Variants in STXBP5L observed in about 807,000 individuals in gnomAD.
STXBP5L encodes the protein syntaxin binding protein 5L.
A neutral mutation model predicts 144.5 loss-of-function variants in STXBP5L; 65 were observed. The observed-to-expected ratio is 0.45, with a 90% CI of 0.37 to 0.55. The LOEUF is 0.55. Ranked by LOEUF, STXBP5L falls within the 20% of genes least tolerant of loss-of-function variation. The probability of loss-of-function intolerance (pLI) is 0.00; values close to 1 mark genes in which losing one functional copy is unlikely to be tolerated. For missense variants in STXBP5L, 1,298 were observed against 1,405.5 expected, an observed-to-expected ratio of 0.92 and a Z score of 1.22; for synonymous variants, 505 against 469.6, an observed-to-expected ratio of 1.08 and a Z score of -0.97.
intron 7 of STXBP5L, among the ~76,000 whole-genome samples, chr3:121,138,364 T>C (rs1262298011): frequency 6.6e-6 from 1 of 152,068 alleles, no homozygotes; most frequent in Non-Finnish European, 1.5e-5. Flanking sequence ...ATACAGTTTC[T>C]ATCAAAATAC....
chr3:121,353,118 G>T (rs976021086), intron 20 of STXBP5L, among the ~76,000 whole-genome samples: 22 of 152,030 alleles, frequency 1.4e-4, no homozygotes, highest in Non-Finnish European at 2.5e-4. Context: ...ATCCATGTTC[G>T]TCAGGGATAT....
intron 3 of STXBP5L, among the ~76,000 whole-genome samples, chr3:121,018,853 A>T (rs1302568242): frequency 1.3e-5 from 2 of 152,198 alleles, no homozygotes; most frequent in African/African-American, 4.8e-5. Flanking sequence ...GAACATACCA[A>T]CAAAGACAAG....
Position 121,413,274 on chromosome 3 carries a change from C to G in STXBP5L, c.3065C>G (p.Thr1022Ser). 6.2e-7 allele frequency: 1 copy of G among 1,601,872 alleles called. No individual in the cohort carries two copies. The highest frequency in any genetic ancestry group is 8.5e-7 in the Non-Finnish European group (1 of 1,175,568). ...EGQALYLVSP[T>S]EIQRLTYSQE... ...CAGGCATTATACCTCGTCTCTCCTA[C>G]TGAAATTCAGCGGTTAACATACAGC... is the stretch of plus-strand genomic sequence containing the variant. Residue 1022 changes from threonine to serine, a missense_variant, in exon 24 of 27, where the codon ACT (threonine) becomes AGT (serine). Coordinates refer to ENST00000471454, the MANE Select transcript of STXBP5L (RefSeq NM_001308330.2).
chr3:121,246,618 TTAGAG>T (rs1439432548), intron 14 of STXBP5L, among the ~76,000 whole-genome samples: 2 of 152,246 alleles, frequency 1.3e-5, no homozygotes, highest in South Asian at 4.1e-4. Context: ...AAGTTTATAA[TTAGAG>T]TAAACATACA....
chr3:120,928,648 G>A (rs1709765687), intron 2 of STXBP5L, among the ~76,000 whole-genome samples: 1 of 121,744 alleles, frequency 8.2e-6, no homozygotes. Context: ...GAGTGTGTGT[G>A]TGTGTGTGTG....
Position 121,020,414 on chromosome 3 carries a change from A to G in STXBP5L, c.288-21286A>G, listed in dbSNP as rs140670177. Among the ~76,000 whole-genome samples, 811 of 152,282 alleles carry G rather than the reference A, an allele frequency of 5.3e-3. 10 individuals carry two copies. Among genetic ancestry groups the G allele is most frequent in the African/African-American group, 0.018 (759 of 41,542 alleles). ...TCCAAATACGAGAAGCTCAAAGAAC[A>G]CCTGGGAAATTTATTGCAAAAAGAT... On this transcript the variant is annotated intron_variant, in intron 3 of 26. Transcript: ENST00000471454.
At chr3:120,975,826 G>A (rs1314045670) in intron 3 of STXBP5L, among the ~76,000 whole-genome samples, 2 of 152,086 alleles carry the variant, frequency 1.3e-5, no homozygotes, top group East Asian at 1.9e-4. Flanking sequence ...CTTTGGTTCT[G>A]TTTATATGCT....
At chr3:121,313,275 T>A (rs1434595602) in intron 19 of STXBP5L, among the ~76,000 whole-genome samples, 1 of 131,604 alleles carries the variant, frequency 7.6e-6, no homozygotes, top group Non-Finnish European at 1.6e-5. Context: ...GGCTCCTCAC[T>A]TCCCAGTAGG....
At chr3:121,299,975 C>CAAAAAAAAAAAAAAAAA (rs35062789) in intron 19 of STXBP5L, among the ~76,000 whole-genome samples, 1 of 115,738 alleles carries the variant, frequency 8.6e-6, no homozygotes, top group Non-Finnish European at 1.8e-5. Context: ...GACCTGATCT[C>CAAAAAAAAAAAAAAAAA]AAAAAAAAAA....
chr3:121,233,986 T>A (rs767224685), intron 12 of STXBP5L, among the ~76,000 whole-genome samples: 1 of 152,132 alleles, frequency 6.6e-6, no homozygotes, highest in African/African-American at 2.4e-5. Context: ...TTATGAAAAC[T>A]TGTACAATGT....
At chr3:121,393,186 T>A (rs1202087929) in intron 22 of STXBP5L, among the ~76,000 whole-genome samples, 1 of 129,934 alleles carries the variant, frequency 7.7e-6, no homozygotes, top group Non-Finnish European at 1.7e-5. Flanking sequence ...CTAATGATGT[T>A]GAACATTTTT....
chr3:121,298,896 G>A (rs2051770610), intron 19 of STXBP5L, among the ~76,000 whole-genome samples: 1 of 152,134 alleles, frequency 6.6e-6, no homozygotes, highest in Non-Finnish European at 1.5e-5. Context: ...TTGTTTAGAA[G>A]GTAGATTTCA....
intron 9 of STXBP5L, among the ~76,000 whole-genome samples, chr3:121,179,725 A>G (rs2047067641): frequency 6.6e-6 from 1 of 152,164 alleles, no homozygotes; most frequent in African/African-American, 2.4e-5. Context: ...AGATAAATAG[A>G]TATCATAAAG....
chr3:121,407,242 G>C lies in STXBP5L; in HGVS notation c.2588-1G>C. ...TCAGTGATGTCCAATTGTTTTTATA[G>C]GTACATTCCTCTCATTGAAAGGAGC... is the stretch of plus-strand genomic sequence containing the variant. On this transcript the variant is annotated splice_acceptor_variant, in intron 22 of 26. Coordinates refer to ENST00000471454, the MANE Select transcript of STXBP5L (RefSeq NM_001308330.2). LOFTEE classifies it high-confidence loss of function. 6.5e-7 allele frequency: 1 copy of C among 1,544,410 alleles called. No homozygotes were observed. The highest frequency in any genetic ancestry group is 8.7e-7 in the Non-Finnish European group (1 of 1,149,326).
At chr3:120,984,149 G>A (rs1370398062) in intron 3 of STXBP5L, among the ~76,000 whole-genome samples, 1 of 152,166 alleles carries the variant, frequency 6.6e-6, no homozygotes, top group Non-Finnish European at 1.5e-5. Flanking sequence ...GACTCATGAA[G>A]AGGTTAAAGA....
In STXBP5L at chr3:121,257,206, C is replaced by T; in HGVS notation, c.1705C>T (p.Pro569Ser). 1.2e-6 allele frequency: 2 copies of T among 1,613,356 alleles called. No homozygotes were observed. The highest frequency in any genetic ancestry group is 1.7e-6 in the Non-Finnish European group (2 of 1,179,618). Residue 569 changes from proline to serine, a missense_variant, in exon 17 of 27, where the codon CCT becomes TCT. Transcript: ENST00000471454. Reference sequence around the variant, plus strand: ...GTATGATGTTGAAGATATTATTACCCCTGAACCAGAAACAAGTCCTCCGTT... The same window carrying T: ...GTATGATGTTGAAGATATTATTACCTCTGAACCAGAAACAAGTCCTCCGTT... The part of the protein sequence containing the change: ...LQYDVEDIIT[P>S]EPETSPPFPD...
At chr3:120,927,516 G>A (rs1322622256) in intron 2 of STXBP5L, among the ~76,000 whole-genome samples, 2 of 152,200 alleles carry the variant, frequency 1.3e-5, no homozygotes, top group African/African-American at 4.8e-5. Flanking sequence ...GCTCCTGTTA[G>A]GGAACCCAAA....
At chr3:121,404,961 T>C (rs183889889) in intron 22 of STXBP5L, among the ~76,000 whole-genome samples, 2 of 152,264 alleles carry the variant, frequency 1.3e-5, no homozygotes, top group Non-Finnish European at 2.9e-5. Context: ...GGCAGATGTC[T>C]AGTGAGGTCT....
chr3:120,935,041 A>G (rs1489216132), intron 2 of STXBP5L, among the ~76,000 whole-genome samples: 1 of 150,382 alleles, frequency 6.6e-6, no homozygotes, highest in African/African-American at 2.4e-5. Flanking sequence ...ATTTGTTACC[A>G]TTTTTATTTG....
Sources: gnomAD v4.1 joint callset for allele counts (sites outside exome capture counted in the v4.1 genomes callset) on GRCh38, gnomAD v4.1.1 for gene constraint, MANE v1.5 for transcripts, NCBI Gene and HGNC (gene_info 2026-07-23, HGNC 2026-07-21) for gene names.